SHANK2: variants seen among roughly 807,000 people sequenced by gnomAD.
SHANK2 encodes the protein SH3 and multiple ankyrin repeat domains protein 2.
SHANK2 carries 43 observed loss-of-function variants against 133.7 expected under a neutral mutation model. The observed-to-expected ratio is 0.32, with a 90% CI of 0.25 to 0.41. The LOEUF is 0.41. SHANK2 is among the 10% of genes least tolerant of loss of function. SHANK2 has a pLI of 1.00. For missense variants in SHANK2, 1,994 were observed against 2,235.8 expected, an observed-to-expected ratio of 0.89 and a Z score of 2.18; for synonymous variants, 1,017 against 952.8, an observed-to-expected ratio of 1.07 and a Z score of -1.24.
Position 70,487,719 on chromosome 11 carries a change from T to C in SHANK2, c.2574A>G (p.Gly858=). 2 of 1,556,210 alleles carry C rather than the reference T, an allele frequency of 1.3e-6. No homozygotes were observed. Among genetic ancestry groups the C allele is most frequent in the Non-Finnish European group, 1.7e-6 (2 of 1,149,770 alleles). The part of the protein sequence containing the change: ...KSIDSRIFLS[G]ITEEERQFLA... ...GAAACTGCCGCTCTTCCTCTGTTAT[T>C]CCTACAAGCAGAAAACAGGTTTAGC... is the stretch of plus-strand genomic sequence containing the variant. Residue 858 remains glycine (G), a splice_region_variant and synonymous_variant, in exon 25 of 26, where the codon GGA becomes GGG. Coordinates refer to ENST00000601538, the MANE Select transcript of SHANK2 (RefSeq NM_012309.5). The surrounding 1 kb of genome is among the most constrained non-coding windows in gnomAD (Gnocchi z 5.8).
At chr11:70,945,810 G>A (rs1230471559) in intron 10 of SHANK2, among the ~76,000 whole-genome samples, 5 of 152,158 alleles carry the variant, frequency 3.3e-5, no homozygotes, top group Admixed American at 2.6e-4. Flanking sequence ...AAGAGCTCGA[G>A]GGCTCACCCT....
intron 15 of SHANK2, among the ~76,000 whole-genome samples, chr11:70,675,282 C>G (rs1944886004): frequency 6.6e-6 from 1 of 152,138 alleles, no homozygotes; most frequent in Non-Finnish European, 1.5e-5. Flanking sequence ...TATGCTACGG[C>G]CTTTGAGCAC....
chr11:71,065,838 TAC>T, intron 9 of SHANK2, among the ~76,000 whole-genome samples: 1 of 71,670 alleles, frequency 1.4e-5, no homozygotes, highest in Non-Finnish European at 2.6e-5. Context: ...GGGCGGGGCA[TAC>T]AGAACTCTCC....
At position 71,109,974 on chromosome 11, in the gene SHANK2, G is replaced by T. The variant is rs1342954548; in HGVS notation, c.559C>A (p.Leu187Met). 1.3e-6 allele frequency: 2 copies of T among 1,551,676 alleles called. No individual in the cohort carries two copies. The highest frequency in any genetic ancestry group is 1.2e-5 in the South Asian group (1 of 84,064). The stretch of plus-strand genomic sequence containing the variant: ...TCCGGGTCGTGGAAATTGGGATCCA[G>T]GCCTCGGTCCAGCATCTTGGTGATC... ...EKITKMLDRG[L>M]DPNFHDPETG... The change falls in exon 6 of 26, where the codon CTG becomes ATG. Residue 187 changes from leucine to methionine, a missense_variant. By Grantham distance (15) the Leu-to-Met change is conservative. Coordinates refer to ENST00000601538, the MANE Select transcript of SHANK2 (RefSeq NM_012309.5).
rs34682780 is a variant in SHANK2, at chr11:70,792,295, TCAACCAACCAAC to T, written c.1777+6136_1777+6147del. 5.3e-4 allele frequency among the ~76,000 whole-genome samples: 73 copies of T among 137,262 alleles called. 1 individual carries two copies. Among genetic ancestry groups the T allele is most frequent in the Middle Eastern group, 3.8e-3 (1 of 266 alleles). 90.0% of individuals were successfully genotyped at this position (137,262 alleles called of 152,430 possible). On this transcript the variant is annotated intron_variant, in intron 14 of 25. Coordinates refer to ENST00000601538, the MANE Select transcript of SHANK2 (RefSeq NM_012309.5). ...GCCAGCCAGCCAGCCAAGCAATCAATCAACCAACCAACCAACCAACCAACCAACCAACCAACC... is the reference window on the plus strand; with the variant it reads ...GCCAGCCAGCCAGCCAAGCAATCAATCAACCAACCAACCAACCAACCAACC...
At chr11:70,759,558 C>T (rs1359868058) in intron 14 of SHANK2, among the ~76,000 whole-genome samples, 4 of 152,178 alleles carry the variant, frequency 2.6e-5, no homozygotes, top group Admixed American at 1.3e-4. Context: ...TGTTATGCTG[C>T]TCCCTGTTGA....
intron 11 of SHANK2, among the ~76,000 whole-genome samples, chr11:70,824,883 T>A (rs1002484064): frequency 1.3e-5 from 2 of 152,176 alleles, no homozygotes; most frequent in Non-Finnish European, 2.9e-5. Flanking sequence ...ATCTTTCATT[T>A]ACAGAGATTA....
rs1490610074 is a variant in SHANK2, at chr11:70,857,716, C to T, written c.1175-37034G>A. On this transcript the variant is annotated intron_variant, in intron 11 of 25. Transcript: ENST00000601538. Reference sequence around the variant, plus strand: ...CACGGAGCACAAGGGGAGATCTAAGCCCACAAGACTTGCAACTCTCTAGGA... The same window carrying T: ...CACGGAGCACAAGGGGAGATCTAAGTCCACAAGACTTGCAACTCTCTAGGA... Among the ~76,000 whole-genome samples, 11 of 152,184 alleles carry T rather than the reference C, an allele frequency of 7.2e-5. No individual in the cohort carries two copies. In the East Asian group the frequency reaches 2.1e-3, roughly 29 times the overall value.
At chr11:70,606,149 AC>A (rs1554992349) in intron 17 of SHANK2, among the ~76,000 whole-genome samples, 1 of 151,828 alleles carries the variant, frequency 6.6e-6, no homozygotes, top group East Asian at 1.9e-4. Context: ...ACCAGCAAAG[AC>A]CCCACTCAAA....
intron 3 of SHANK2, among the ~76,000 whole-genome samples, chr11:71,120,502 G>T (rs1399189249): frequency 4.6e-5 from 7 of 151,530 alleles, no homozygotes; most frequent in Non-Finnish European, 8.8e-5. Flanking sequence ...ATCCTGGGAC[G>T]GCCAACAGGA....
chr11:70,855,413 C>T (rs2135482087), intron 11 of SHANK2, among the ~76,000 whole-genome samples: 1 of 152,316 alleles, frequency 6.6e-6, no homozygotes, highest in South Asian at 2.1e-4. Flanking sequence ...TTTGCTCCCC[C>T]AACCCCTTGC....
intron 1 of SHANK2, among the ~76,000 whole-genome samples, chr11:71,230,766 C>A (rs1255887492): frequency 6.6e-6 from 1 of 152,098 alleles, no homozygotes; most frequent in East Asian, 1.9e-4. Flanking sequence ...AGAAAAAACC[C>A]ACACAAATAT....
intron 12 of SHANK2, among the ~76,000 whole-genome samples, chr11:70,810,278 C>G (rs1948251830): frequency 6.6e-6 from 1 of 152,242 alleles, no homozygotes; most frequent in Non-Finnish European, 1.5e-5. Context: ...CCCTGCCAGC[C>G]TGCCCAGCCA....
chr11:70,807,770 C>T lies in SHANK2; in HGVS notation c.1494-599G>A, dbSNP rs1474096875. ...GCTTAAACCTGGGAGGCGGAGGTTG[C>T]GGTGAGCCAAGACTGCACCATTGCA... On this transcript the variant is annotated intron_variant, in intron 12 of 25. Transcript: ENST00000601538. This position sits in a 1 kb window ranked among gnomAD's most constrained non-coding sequence, Gnocchi z 4.8. Among the ~76,000 whole-genome samples the T allele has an allele frequency of 1.1e-4, 17 of 152,058 alleles. No individual in the cohort carries two copies. The highest frequency in any genetic ancestry group is 3.4e-4 in the African/African-American group (14 of 41,456).
Position 70,599,919 on chromosome 11 carries a change from GAAAGAA to G in SHANK2, c.2061+59903_2061+59908del, listed in dbSNP as rs1311861778. Among the ~76,000 whole-genome samples the G allele has an allele frequency of 3.5e-4, 21 of 59,182 alleles. 1 individual carries two copies. Among genetic ancestry groups the G allele is most frequent in the Admixed American group, 1.2e-3 (7 of 5,710 alleles). 38.8% of individuals were successfully genotyped at this position (59,182 alleles called of 152,430 possible). On this transcript the variant is annotated intron_variant, in intron 17 of 25. Coordinates refer to ENST00000601538, the MANE Select transcript of SHANK2 (RefSeq NM_012309.5). ...AAAGAAAGAAAGAGAAAGAAAGAAA[GAAAGAA>G]AGAAAGAAAGAAAGAAAGAAAGAAA... is the stretch of plus-strand genomic sequence containing the variant.
chr11:70,683,005 G>A (rs1223031077), intron 15 of SHANK2, among the ~76,000 whole-genome samples: 1 of 152,134 alleles, frequency 6.6e-6, no homozygotes, highest in Non-Finnish European at 1.5e-5. Context: ...GTGGCCGAGA[G>A]GGTTGGTGTG....
At chr11:70,666,380 GCAAT>G (rs1236595153) in intron 15 of SHANK2, among the ~76,000 whole-genome samples, 1 of 152,210 alleles carries the variant, frequency 6.6e-6, no homozygotes, top group African/African-American at 2.4e-5. Context: ...CCATCCCCAT[GCAAT>G]CAGACAGGGG....
intron 2 of SHANK2, among the ~76,000 whole-genome samples, chr11:71,151,989 A>G (rs1952807553): frequency 6.6e-6 from 1 of 152,212 alleles, no homozygotes; most frequent in South Asian, 2.1e-4. Flanking sequence ...AGGCAGCAGC[A>G]TTCCCACTCT....
At chr11:70,846,883 T>C (rs1464084688) in intron 11 of SHANK2, among the ~76,000 whole-genome samples, 1 of 152,066 alleles carries the variant, frequency 6.6e-6, no homozygotes, top group Non-Finnish European at 1.5e-5. Flanking sequence ...GAGCCTTCGG[T>C]GCCTCCCAGG....
Sources: gnomAD v4.1 joint callset for allele counts (sites outside exome capture counted in the v4.1 genomes callset) on GRCh38, gnomAD v4.1.1 for gene constraint, Gnocchi (gnomAD v3.1) non-coding constraint, MANE v1.5 for transcripts, NCBI Gene and HGNC (gene_info 2026-07-23, HGNC 2026-07-21) for gene names.